The following SYT14 variants were observed in gnomAD, a reference collection of about 807,000 sequenced individuals.
SYT14 encodes synaptotagmin-14.
SYT14 carries 32 observed loss-of-function variants against 74.2 expected under a neutral mutation model. The ratio of observed to expected loss-of-function variants is 0.43; its 90% CI spans 0.33 to 0.58. The LOEUF (loss-of-function observed/expected upper bound fraction) is 0.58, where lower values mean the gene tolerates loss of function less well. Ranked by LOEUF, SYT14 falls within the 20% of genes least tolerant of loss-of-function variation. The pLI is 0.05. For synonymous variants in SYT14, 298 were observed against 337.7 expected, an observed-to-expected ratio of 0.88 and a Z score of 1.29; for missense variants, 791 against 981.8, an observed-to-expected ratio of 0.81 and a Z score of 2.60.
intron 7 of SYT14, among the ~76,000 whole-genome samples, chr1:210,107,657 G>A (rs1035203607): frequency 6.6e-6 from 1 of 151,888 alleles, no homozygotes; most frequent in Admixed American, 6.6e-5. Flanking sequence ...AATCAGCAAG[G>A]AAGAAATATT....
chr1:209,951,260 C>G (rs903512951), intron 1 of SYT14, among the ~76,000 whole-genome samples: 15 of 152,148 alleles, frequency 9.9e-5, no homozygotes, highest in Non-Finnish European at 7.4e-5. Flanking sequence ...TTTGCAGTAT[C>G]TCCCCTTTTC....
In SYT14 at chr1:210,094,306, T is replaced by G; in HGVS notation, c.1313-16T>G. 1 of 1,613,732 alleles carries G rather than the reference T, an allele frequency of 6.2e-7. No homozygotes were observed. The highest frequency in any genetic ancestry group is 8.5e-7 in the Non-Finnish European group (1 of 1,179,756). ...GGCTAATTGGAAACAGTGACCAGAT[T>G]CTTAATCATTATCAGGAAACTGCAT... On this transcript the variant is annotated splice_polypyrimidine_tract_variant and intron_variant, in intron 5 of 9. Coordinates refer to ENST00000637265, the Ensembl canonical transcript of SYT14.
intron 5 of SYT14, among the ~76,000 whole-genome samples, chr1:210,039,446 G>A (rs1307726958): frequency 6.6e-6 from 1 of 152,066 alleles, no homozygotes; most frequent in African/African-American, 2.4e-5. Context: ...GGAAAACCTA[G>A]GCAATACCAT....
chr1:209,967,222 TTTG>T (rs925746512), intron 2 of SYT14, among the ~76,000 whole-genome samples: 2 of 152,158 alleles, frequency 1.3e-5, no homozygotes, highest in African/African-American at 4.8e-5. Context: ...TTGCTAAAAA[TTTG>T]TTAAGACTTT....
intron 7 of SYT14, among the ~76,000 whole-genome samples, chr1:210,122,353 T>C (rs2082484843): frequency 1.3e-5 from 2 of 152,232 alleles, no homozygotes; most frequent in African/African-American, 4.8e-5. Context: ...GTGGGTCAAT[T>C]ATGGCTCTAT....
intron 2 of SYT14, among the ~76,000 whole-genome samples, chr1:209,996,399 TAAGAAA>T (rs545613537): frequency 1.2e-3 from 176 of 152,168 alleles, no homozygotes; most frequent in Non-Finnish European, 9.1e-4. Context: ...CAAGATTGAA[TAAGAAA>T]GAGATTGAAA....
intron 2 of SYT14, among the ~76,000 whole-genome samples, chr1:209,972,722 G>T (rs1314255353): frequency 6.6e-5 from 10 of 152,140 alleles, no homozygotes; most frequent in African/African-American, 1.9e-4. Context: ...TGGTTGGAAT[G>T]ATTTCAGTTT....
intron 6 of SYT14, among the ~76,000 whole-genome samples, chr1:210,098,798 A>C (rs905507188): frequency 6.6e-6 from 1 of 151,390 alleles, no homozygotes; most frequent in Non-Finnish European, 1.5e-5. Context: ...CTCCTGCCTC[A>C]CCTACCTGAG....
At chr1:210,060,807 C>A (rs903560812) in intron 5 of SYT14, among the ~76,000 whole-genome samples, 3 of 151,952 alleles carry the variant, frequency 2.0e-5, no homozygotes, top group African/African-American at 7.2e-5. Flanking sequence ...TTTTCTCCAG[C>A]TTTAATTGGC....
chr1:210,131,927 A>C (rs1572354301), intron 7 of SYT14, among the ~76,000 whole-genome samples: 1 of 150,496 alleles, frequency 6.6e-6, no homozygotes, highest in African/African-American at 2.4e-5. Flanking sequence ...TCACCCTGCA[A>C]AGGTTTTGAA....
intron 1 of SYT14, among the ~76,000 whole-genome samples, chr1:209,942,736 C>T (rs542597376): frequency 1.3e-5 from 2 of 152,282 alleles, no homozygotes; most frequent in African/African-American, 4.8e-5. Context: ...CTTCCTTCAT[C>T]CGGTCCACAT....
At chr1:210,005,051 A>G (rs751131813) in intron 2 of SYT14, among the ~76,000 whole-genome samples, 1 of 152,010 alleles carries the variant, frequency 6.6e-6, no homozygotes, top group Non-Finnish European at 1.5e-5. Context: ...TATTTAGTGG[A>G]TAAGAAAACA....
chr1:210,071,530 C>G (rs2081394802), intron 5 of SYT14, among the ~76,000 whole-genome samples: 1 of 151,994 alleles, frequency 6.6e-6, no homozygotes, highest in Admixed American at 6.6e-5. Flanking sequence ...TTGTATCTCT[C>G]TGACAAGAAG....
At chr1:210,078,366 G>A (rs2081550228) in intron 5 of SYT14, among the ~76,000 whole-genome samples, 1 of 150,432 alleles carries the variant, frequency 6.6e-6, no homozygotes, top group South Asian at 2.1e-4. Flanking sequence ...ACTGTAAATG[G>A]CCTGACAGGG....
chr1:209,964,949 A>C (rs1481381453), intron 2 of SYT14, among the ~76,000 whole-genome samples: 1 of 152,220 alleles, frequency 6.6e-6, no homozygotes, highest in East Asian at 1.9e-4. Context: ...TCAAGTTCCC[A>C]GATGCCAGCC....
intron 7 of SYT14, among the ~76,000 whole-genome samples, chr1:210,136,262 G>A (rs967441640): frequency 1.3e-5 from 2 of 152,152 alleles, no homozygotes; most frequent in African/African-American, 4.8e-5. Flanking sequence ...TGAGAGGTGT[G>A]TGTGTATGCG....
chr1:210,110,472 C>G (rs1183266436), intron 7 of SYT14, among the ~76,000 whole-genome samples: 1 of 152,108 alleles, frequency 6.6e-6, no homozygotes, highest in East Asian at 1.9e-4. Flanking sequence ...GCTTCCTGAT[C>G]TTGAGTCACT....
chr1:210,001,523 C>A (rs541794929), intron 2 of SYT14, among the ~76,000 whole-genome samples: 1 of 152,224 alleles, frequency 6.6e-6, no homozygotes, highest in Non-Finnish European at 1.5e-5. Context: ...TATTGCCTAG[C>A]AATCTATCCC....
intron 1 of SYT14, among the ~76,000 whole-genome samples, chr1:209,942,501 G>A (rs1456816178): frequency 6.6e-6 from 1 of 151,904 alleles, no homozygotes; most frequent in Non-Finnish European, 1.5e-5. Context: ...GTCCTGCCAA[G>A]TCTACAATTC....
Sources: gnomAD v4.1 joint callset for allele counts (sites outside exome capture counted in the v4.1 genomes callset) on GRCh38, gnomAD v4.1.1 for gene constraint, MANE v1.5 for transcripts, NCBI Gene and HGNC (gene_info 2026-07-23, HGNC 2026-07-21) for gene names.